C2CD5: variants seen among roughly 807,000 people sequenced by gnomAD.
C2CD5 encodes C2 domain-containing protein 5.
C2CD5 carries 109 observed loss-of-function variants against 130.3 expected under a neutral mutation model. The observed-to-expected ratio is 0.84, with a 90% confidence interval of 0.72 to 0.98. The LOEUF (loss-of-function observed/expected upper bound fraction) is 0.98. Among genes scored for constraint, C2CD5 ranks in the 50% least tolerant of loss-of-function variants. C2CD5 has a pLI of 0.00. For synonymous variants in C2CD5, 454 were observed against 429.2 expected, an observed-to-expected ratio of 1.06 and a Z score of -0.71; for missense variants, 996 against 1,261.8, an observed-to-expected ratio of 0.79 and a Z score of 3.19.
At chr12:22,529,968 T>C (rs1392469061) in intron 3 of C2CD5, among the ~76,000 whole-genome samples, 2 of 150,492 alleles carry the variant, frequency 1.3e-5, no homozygotes, top group Non-Finnish European at 3.0e-5. Context: ...GATGATGGAG[T>C]CCCAAATGAC....
intron 10 of C2CD5, chr12:22,502,793 T>C: frequency 1.3e-6 from 2 of 1,530,748 alleles, no homozygotes; most frequent in Non-Finnish European, 1.8e-6. Flanking sequence ...TTACCCATAA[T>C]TCCGACAAAG....
chr12:22,525,286 C>T (rs919714541), intron 5 of C2CD5, among the ~76,000 whole-genome samples: 2 of 152,156 alleles, frequency 1.3e-5, no homozygotes, highest in East Asian at 3.8e-4. Context: ...GTTCCCTAGA[C>T]CCAATACCCA....
At chr12:22,497,195 G>A (rs758614537) in intron 10 of C2CD5, among the ~76,000 whole-genome samples, 21 of 151,906 alleles carry the variant, frequency 1.4e-4, no homozygotes, top group African/African-American at 2.2e-4. Flanking sequence ...CTTTTAATAC[G>A]GTTAGAAGAA....
rs1165906991 is a variant in C2CD5, at chr12:22,478,401, C to A, written c.1814G>T (p.Gly605Val). Residue 605 changes from glycine (G) to valine (V), a missense_variant, in exon 15 of 27, where the codon GGC becomes GTC. Physicochemically the swap from Gly to Val is moderately radical, Grantham distance 109. Coordinates refer to ENST00000446597, the MANE Select transcript of C2CD5 (RefSeq NM_001286176.2). ...ATGAGAGATGTGTTGTTCATATGAG[C>A]CATCATTAGGAGTCTTCCCAGCAAT... ...IQIAGKTPND[G>V]SYEQHISHMQ... The A allele has an allele frequency of 1.1e-5, 17 of 1,612,454 alleles. No individual in the cohort carries two copies. Among genetic ancestry groups the A allele is most frequent in the Admixed American group, 6.7e-5 (4 of 59,980 alleles).
chr12:22,504,294 GT>G (rs1012550563), intron 10 of C2CD5, among the ~76,000 whole-genome samples: 9 of 141,842 alleles, frequency 6.3e-5, no homozygotes, highest in African/African-American at 1.1e-4. Context: ...AAATCAAAAT[GT>G]TTTTTTTTCT....
Position 22,492,035 on chromosome 12 carries a change from C to T in C2CD5, c.1262+1188G>A, listed in dbSNP as rs566824204. Among the ~76,000 whole-genome samples, 3 of 152,192 alleles carry T rather than the reference C, an allele frequency of 2.0e-5. No homozygotes were observed. The East Asian group carries it at 5.8e-4, about 29-fold the overall frequency. On this transcript the variant is annotated intron_variant, in intron 11 of 26. Transcript: ENST00000446597. Reference sequence around the variant, plus strand: ...GTAGAACCGCTACTATGGGAATAAACAGTCTAGGAGTATAACACATGATCT... The same window carrying T: ...GTAGAACCGCTACTATGGGAATAAATAGTCTAGGAGTATAACACATGATCT...
intron 21 of C2CD5, 28 bp downstream of exon 21, chr12:22,470,796 C>T (rs1942891104): frequency 7.2e-7 from 1 of 1,396,276 alleles, no homozygotes; most frequent in Admixed American, 1.7e-5. Flanking sequence ...CAAACACAAA[C>T]TGAACTTCCT....
At chr12:22,509,631 C>A (rs922465814) in intron 9 of C2CD5, among the ~76,000 whole-genome samples, 2 of 152,204 alleles carry the variant, frequency 1.3e-5, no homozygotes, top group South Asian at 4.1e-4. Flanking sequence ...CTGCTGAAAT[C>A]TATAGCAGAT....
At chr12:22,487,665 C>T (rs1329317569) in intron 12 of C2CD5, among the ~76,000 whole-genome samples, 3 of 151,938 alleles carry the variant, frequency 2.0e-5, no homozygotes, top group Admixed American at 6.6e-5. Flanking sequence ...GGATCTAGAA[C>T]TAGAAATACC....
At chr12:22,519,142 C>G (rs762458234) in intron 7 of C2CD5, 4 of 1,535,988 alleles carry the variant, frequency 2.6e-6, no homozygotes, top group South Asian at 1.2e-5. Context: ...GGAACAGACA[C>G]AGAGAAGTTC....
chr12:22,451,772 G>C lies in C2CD5; in HGVS notation c.3025-1881C>G, dbSNP rs551827997. On this transcript the variant is annotated intron_variant, in intron 26 of 26. Transcript: ENST00000446597. ...CTTGGGCATGTTAGGAGAGGTGAGG[G>C]GGGCAACAGATGAGTCTGAAAAGGT... Among the ~76,000 whole-genome samples the C allele has an allele frequency of 3.9e-5, 6 of 152,172 alleles. No individual in the cohort carries two copies. In the South Asian group the frequency reaches 1.2e-3, roughly 32 times the overall value.
intron 8 of C2CD5, chr12:22,514,896 C>T (rs1949559654): frequency 1.4e-6 from 1 of 717,480 alleles, no homozygotes; most frequent in South Asian, 6.3e-5. Context: ...GTATAAAATA[C>T]CCAATAATTT....
At chr12:22,502,477 G>C (rs957232196) in intron 10 of C2CD5, among the ~76,000 whole-genome samples, 1 of 151,978 alleles carries the variant, frequency 6.6e-6, no homozygotes, top group African/African-American at 2.4e-5. Context: ...AATTTTAAAT[G>C]ATCATTCTGA....
rs765247917 is a variant in C2CD5, at chr12:22,513,308, C to T, written c.1024G>A (p.Ala342Thr). Residue 342 changes from alanine to threonine, a missense_variant, in exon 9 of 27, where the codon GCG becomes ACG. Coordinates refer to ENST00000446597, the MANE Select transcript of C2CD5 (RefSeq NM_001286176.2). ...GTGAATCTTACCCTCTGTTCCAACGCTGATTGAGTCTGTTGTCTTAAAAGA... is the reference window on the plus strand; with the variant it reads ...GTGAATCTTACCCTCTGTTCCAACGTTGATTGAGTCTGTTGTCTTAAAAGA... ...KALLRQQTQS[A>T]LEQREFPFFT... 78 of 1,608,816 alleles carry T rather than the reference C, an allele frequency of 4.8e-5. No individual in the cohort carries two copies. The highest frequency in any genetic ancestry group is 6.7e-5 in the East Asian group (3 of 44,788).
Position 22,524,016 on chromosome 12 carries a change from AAGGGAATGAGGTCAG to A in C2CD5, c.602-407_602-393del, listed in dbSNP as rs576956965. Among the ~76,000 whole-genome samples, 358 of 152,262 alleles carry A rather than the reference AAGGGAATGAGGTCAG, an allele frequency of 2.4e-3. 3 individuals carry two copies. Among genetic ancestry groups the A allele is most frequent in the Non-Finnish European group, 4.5e-3 (304 of 68,016 alleles). On this transcript the variant is annotated intron_variant, in intron 6 of 26. Coordinates refer to ENST00000446597, the MANE Select transcript of C2CD5 (RefSeq NM_001286176.2). ...CAAGTTTTTCAAAGAAAAATTTAAA[AAGGGAATGAGGTCAG>A]AGTGGCAGGGAAAGTGGTCAAAAGG...
intron 10 of C2CD5, among the ~76,000 whole-genome samples, chr12:22,495,560 C>T (rs774790439): frequency 1.7e-4 from 26 of 149,670 alleles, no homozygotes; most frequent in African/African-American, 5.6e-4. Context: ...AAAAAACAAA[C>T]GAACAAAAAA....
chr12:22,526,715 A>G (rs1473808609), intron 4 of C2CD5, among the ~76,000 whole-genome samples: 3 of 152,164 alleles, frequency 2.0e-5, no homozygotes, highest in African/African-American at 7.2e-5. Flanking sequence ...AGTAAATAAA[A>G]AATTCCAAGA....
intron 2 of C2CD5, 126 bp downstream of exon 2, chr12:22,543,934 TG>T: frequency 1.4e-6 from 1 of 697,918 alleles, no homozygotes; most frequent in South Asian, 1.7e-5. Flanking sequence ...GTGGGAGAGC[TG>T]GACAACCACG....
intron 3 of C2CD5, among the ~76,000 whole-genome samples, chr12:22,532,333 A>G (rs2137179352): frequency 6.6e-6 from 1 of 151,886 alleles, no homozygotes; most frequent in South Asian, 2.1e-4. Context: ...TCCGTCTCAA[A>G]AAAAAAAAAA....
Sources: gnomAD v4.1 joint callset for allele counts (sites outside exome capture counted in the v4.1 genomes callset) on GRCh38, gnomAD v4.1.1 for gene constraint, MANE v1.5 for transcripts, NCBI Gene and HGNC (gene_info 2026-07-23, HGNC 2026-07-21) for gene names.